The following IL16 variants were observed in gnomAD, a reference collection of about 807,000 sequenced individuals.
IL16 encodes interleukin 16.
Under a neutral mutation model 110.1 loss-of-function variants are expected in IL16, and 67 were observed. The observed-to-expected ratio is 0.61, with a 90% CI of 0.50 to 0.75. The LOEUF (loss-of-function observed/expected upper bound fraction) is 0.75, where lower values mean the gene tolerates loss of function less well. IL16 is among the 30% of genes least tolerant of loss of function. The pLI is 0.00. For synonymous variants in IL16, 689 were observed against 662.9 expected (o/e 1.04, Z -0.61); for missense variants, 1,545 against 1,655.0 (o/e 0.93, Z 1.15).
intron 2 of IL16, among the ~76,000 whole-genome samples, chr15:81,233,373 GT>G (rs1891715197): frequency 6.6e-6 from 1 of 151,768 alleles, no homozygotes; most frequent in South Asian, 2.1e-4. Context: ...GTGCGTGTGT[GT>G]ATACTTGTTA....
chr15:81,199,054 T>C (rs1895716719), intron 1 of IL16, among the ~76,000 whole-genome samples: 1 of 140,764 alleles, frequency 7.1e-6, no homozygotes, highest in East Asian at 2.1e-4. Context: ...TATATATATA[T>C]ATATATAAAA....
At chr15:81,290,407 C>A (rs1295061794) in intron 10 of IL16, 46 bp from the exon 11 acceptor site, 2 of 1,406,652 alleles carry the variant, frequency 1.4e-6, no homozygotes, top group Non-Finnish European at 2.0e-6. Flanking sequence ...GAGCCTGATG[C>A]AGGAGCTTCT....
chr15:81,300,271 A>G lies in IL16; in HGVS notation c.2945A>G (p.Glu982Gly). The G allele has an allele frequency of 1.9e-6, 3 of 1,614,230 alleles. No homozygotes were observed. Among genetic ancestry groups the G allele is most frequent in the Non-Finnish European group, 2.5e-6 (3 of 1,180,042 alleles). The change falls in exon 14 of 19, where the codon GAA (glutamate) becomes GGA (glycine). Residue 982 changes from glutamate to glycine, a missense_variant. This residue lies in a region of IL16 where 1,185 missense variants were observed against 1,238.8 expected (regional missense o/e 0.96). Transcript: ENST00000683961. ...TCCTGTGAGACGAAGCTACTTGACGAAAAGACCAGCAAACTCTATTCTATC... is the reference window on the plus strand; with the variant it reads ...TCCTGTGAGACGAAGCTACTTGACGGAAAGACCAGCAAACTCTATTCTATC... The part of the protein sequence containing the change: ...SQSCETKLLD[E>G]KTSKLYSISS...
At chr15:81,202,097 G>T (rs74030016) in intron 1 of IL16, among the ~76,000 whole-genome samples, 14,264 of 152,242 alleles carry the variant, frequency 0.094, 2,190 homozygotes, top group African/African-American at 0.32. Context: ...TCTGGCCAGA[G>T]AACACCTTTA....
chr15:81,288,355 A>G (rs1001905784), intron 10 of IL16, among the ~76,000 whole-genome samples: 1 of 152,192 alleles, frequency 6.6e-6, no homozygotes, highest in Non-Finnish European at 1.5e-5. Flanking sequence ...ACCTTACAGG[A>G]CTGTTGTGGA....
Position 81,292,542 on chromosome 15 carries a change from T to A in IL16, c.1421-14T>A, listed in dbSNP as rs373737937. On this transcript the variant is annotated splice_polypyrimidine_tract_variant and intron_variant, in intron 11 of 18. Coordinates refer to ENST00000683961, the MANE Select transcript of IL16 (RefSeq NM_172217.5). ...AAGCTCAGCTGTGAAGATTCTCTTG[T>A]GCTTCCCACACAGGTGTCAAAAGGC... The A allele has an allele frequency of 3.1e-6, 5 of 1,610,316 alleles. No individual in the cohort carries two copies. The highest frequency in any genetic ancestry group is 3.4e-6 in the Non-Finnish European group (4 of 1,177,188).
At chr15:81,277,087 A>T (rs1046539393) in intron 6 of IL16, among the ~76,000 whole-genome samples, 6 of 152,226 alleles carry the variant, frequency 3.9e-5, no homozygotes, top group Non-Finnish European at 8.8e-5. Context: ...CAAAAAAAGC[A>T]GTCATTGAAA....
intron 12 of IL16, chr15:81,295,444 A>G (rs763418911): frequency 1.6e-6 from 2 of 1,289,428 alleles, no homozygotes; most frequent in South Asian, 1.2e-5. Context: ...TGCAGTTGGT[A>G]TCACATGTGG....
In IL16 at chr15:81,259,760, A is replaced by G. The variant is rs762864285; in HGVS notation, c.313-12A>G. 3 of 1,594,276 alleles carry G rather than the reference A, an allele frequency of 1.9e-6. No homozygotes were observed. Among genetic ancestry groups the G allele is most frequent in the African/African-American group, 1.3e-5 (1 of 74,678 alleles). ...TAACTTGCTGAATAAAAAGACGGCA[A>G]TTGTTTTGCAGGAATCTTCCACAGC... On this transcript the variant is annotated splice_polypyrimidine_tract_variant and intron_variant, in intron 2 of 18. Coordinates refer to ENST00000683961, the MANE Select transcript of IL16 (RefSeq NM_172217.5).
chr15:81,313,343 T>G lies in IL16; in HGVS notation c.*4545T>G. ...GGAAGAAGGAGTCCACCACGTTCTG[T>G]GGGAGGTAACCGCTGAGGTCGGTAT... On this transcript the variant is annotated 3_prime_UTR_variant, in exon 19 of 19. Transcript: ENST00000683961. The G allele has an allele frequency of 6.3e-7, 1 of 1,581,234 alleles. No homozygotes were observed. Among genetic ancestry groups the G allele is most frequent in the Non-Finnish European group, 8.6e-7 (1 of 1,164,200 alleles).
At chr15:81,229,169 AG>A (rs1366509328) in intron 2 of IL16, among the ~76,000 whole-genome samples, 6 of 152,232 alleles carry the variant, frequency 3.9e-5, no homozygotes, top group African/African-American at 1.4e-4. Flanking sequence ...CAATGCTCAG[AG>A]GATAATGAGG....
chr15:81,275,849 A>G (rs926961758), intron 6 of IL16, among the ~76,000 whole-genome samples: 1 of 152,250 alleles, frequency 6.6e-6, no homozygotes, highest in Non-Finnish European at 1.5e-5. Flanking sequence ...TGTACAGATC[A>G]AGGCTACTAA....
intron 10 of IL16, among the ~76,000 whole-genome samples, chr15:81,286,081 G>C (rs1009666615): frequency 6.6e-5 from 10 of 152,202 alleles, no homozygotes; most frequent in Non-Finnish European, 1.0e-4. Flanking sequence ...GGGCAGGAAA[G>C]TAGAGACCCA....
At chr15:81,203,011 A>G (rs1408250906) in intron 1 of IL16, among the ~76,000 whole-genome samples, 13 of 151,918 alleles carry the variant, frequency 8.6e-5, no homozygotes, top group East Asian at 1.9e-4. Context: ...TTTAATGATC[A>G]CCATTCTAAC....
chr15:81,198,322 G>A (rs1005316469), intron 1 of IL16, among the ~76,000 whole-genome samples: 7 of 151,992 alleles, frequency 4.6e-5, no homozygotes, highest in African/African-American at 9.7e-5. Context: ...TCCCCAAACC[G>A]AGAGGTGAGG....
At chr15:81,288,722 G>T (rs570325467) in intron 10 of IL16, among the ~76,000 whole-genome samples, 3 of 152,166 alleles carry the variant, frequency 2.0e-5, no homozygotes, top group Non-Finnish European at 2.9e-5. Flanking sequence ...GGGTCCTTTT[G>T]TGTCTGCCTT....
intron 16 of IL16, among the ~76,000 whole-genome samples, chr15:81,305,416 C>T (rs1900498829): frequency 6.6e-6 from 1 of 152,148 alleles, no homozygotes; most frequent in Admixed American, 6.5e-5. Flanking sequence ...GTAATTCCAA[C>T]ACTGTGCGGG....
intron 18 of IL16, among the ~76,000 whole-genome samples, chr15:81,307,963 G>A (rs192232136): frequency 2.9e-4 from 44 of 152,320 alleles, no homozygotes; most frequent in African/African-American, 8.7e-4. Flanking sequence ...ACTATCATTA[G>A]TATTATCTTC....
chr15:81,284,057 G>A (rs1471171546), intron 9 of IL16, among the ~76,000 whole-genome samples: 1 of 150,776 alleles, frequency 6.6e-6, no homozygotes, highest in Non-Finnish European at 1.5e-5. Context: ...AGAAATACAG[G>A]TTCTTTCTCC....
Sources: allele counts gnomAD v4.1 joint callset (sites outside exome capture counted in the v4.1 genomes callset), GRCh38; gene constraint gnomAD v4.1.1; regional missense constraint gnomAD v4.1.1; transcripts MANE v1.5; gene names NCBI Gene and HGNC (gene_info 2026-07-23, HGNC 2026-07-21).